The following DLG2 variants were observed in gnomAD, a reference collection of about 807,000 sequenced individuals.
The protein encoded by DLG2 is disks large homolog 2.
In DLG2, 45 loss-of-function variants were observed where a neutral mutation model predicts 132.5. That is an observed-to-expected ratio of 0.34 (90% CI 0.27 to 0.44). The LOEUF (loss-of-function observed/expected upper bound fraction) is 0.44, where lower values mean the gene tolerates loss of function less well. DLG2 is among the 20% of genes least tolerant of loss of function. The probability of loss-of-function intolerance (pLI) is 1.00; values close to 1 mark genes in which losing one functional copy is unlikely to be tolerated. For synonymous variants in DLG2, 424 were observed against 419.6 expected (o/e 1.01, Z -0.13); for missense variants, 1,045 against 1,196.9 (o/e 0.87, Z 1.87).
rs569079199 is a variant in DLG2, at chr11:84,422,913, A to G, written c.519+111657T>C. On this transcript the variant is annotated intron_variant, in intron 7 of 27. Coordinates refer to ENST00000376104, the MANE Select transcript of DLG2 (RefSeq NM_001142699.3). ...ACTTGCAACAAAATGCTTAAACATCATGACTCTAGACCTACCCAAAGTCAC... is the reference window on the plus strand; with the variant it reads ...ACTTGCAACAAAATGCTTAAACATCGTGACTCTAGACCTACCCAAAGTCAC... Among the ~76,000 whole-genome samples, 53 of 152,310 alleles carry G rather than the reference A, an allele frequency of 3.5e-4. 1 individual carries two copies. In the South Asian group the frequency reaches 0.011, roughly 30 times the overall value.
chr11:84,502,200 CTCCT>C lies in DLG2; in HGVS notation c.519+32366_519+32369del, dbSNP rs1218812487. ...TTTCTCTCTCTTTCTCTCTCTCTCT[CTCCT>C]TCCTTCCTTCCTTCCTTCCTTCCTT... On this transcript the variant is annotated intron_variant, in intron 7 of 27. Coordinates refer to ENST00000376104, the MANE Select transcript of DLG2 (RefSeq NM_001142699.3). Among the ~76,000 whole-genome samples the C allele has an allele frequency of 4.3e-3, 42 of 9,808 alleles. 1 individual carries two copies. The highest frequency in any genetic ancestry group is 0.013 in the Admixed American group (20 of 1,568). The allele number at this position is 9,808 out of a possible 152,430, so 6.4% of individuals were successfully genotyped here.
intron 7 of DLG2, among the ~76,000 whole-genome samples, chr11:84,484,402 C>T (rs80025585): frequency 0.016 from 2,462 of 152,122 alleles, 78 homozygotes; most frequent in African/African-American, 0.056. Flanking sequence ...AGAGATAAAT[C>T]CATCTTAGAA....
intron 19 of DLG2, among the ~76,000 whole-genome samples, chr11:83,594,758 C>T (rs1253875729): frequency 1.3e-5 from 2 of 152,122 alleles, no homozygotes; most frequent in Non-Finnish European, 2.9e-5. Flanking sequence ...TGTCCATTCC[C>T]AGGAGAGTTG....
chr11:85,249,973 C>A (rs1044937551), intron 4 of DLG2, among the ~76,000 whole-genome samples: 4 of 152,130 alleles, frequency 2.6e-5, no homozygotes, highest in African/African-American at 9.7e-5. Flanking sequence ...ATTGTCCTTA[C>A]TCTAAAAGAC....
chr11:85,206,387 G>C (rs1246769527), intron 4 of DLG2, among the ~76,000 whole-genome samples: 1 of 152,094 alleles, frequency 6.6e-6, no homozygotes, highest in Non-Finnish European at 1.5e-5. Context: ...GATAGACCTG[G>C]GTTGGAATTC....
intron 17 of DLG2, among the ~76,000 whole-genome samples, chr11:83,796,665 T>C (rs1039013465): frequency 1.3e-5 from 2 of 152,194 alleles, no homozygotes; most frequent in African/African-American, 4.8e-5. Flanking sequence ...AATATGGCAA[T>C]ATGGATGCTT....
At chr11:84,960,300 G>A (rs116266517) in intron 6 of DLG2, among the ~76,000 whole-genome samples, 315 of 152,074 alleles carry the variant, frequency 2.1e-3, no homozygotes, top group African/African-American at 7.3e-3. Context: ...TCTATCTGCC[G>A]TAAATGAAAT....
At chr11:85,173,768 G>T (rs2079034427) in intron 4 of DLG2, among the ~76,000 whole-genome samples, 1 of 152,150 alleles carries the variant, frequency 6.6e-6, no homozygotes, top group Non-Finnish European at 1.5e-5. Context: ...AAAATAAAGG[G>T]ATGGAGGAAA....
At chr11:83,656,086 C>T (rs911179204) in intron 18 of DLG2, among the ~76,000 whole-genome samples, 3 of 152,218 alleles carry the variant, frequency 2.0e-5, no homozygotes, top group African/African-American at 7.2e-5. Context: ...GGTCAGGGAA[C>T]ATCTTGCAGC....
At chr11:85,178,642 G>A (rs951936113) in intron 4 of DLG2, among the ~76,000 whole-genome samples, 1 of 151,676 alleles carries the variant, frequency 6.6e-6, no homozygotes, top group African/African-American at 2.4e-5. Flanking sequence ...AATTATGTTG[G>A]AAAACAGGAA....
chr11:84,851,057 A>T (rs1264673927), intron 6 of DLG2, among the ~76,000 whole-genome samples: 1 of 152,112 alleles, frequency 6.6e-6, no homozygotes, highest in African/African-American at 2.4e-5. Context: ...AATAGGAATA[A>T]GTGAATGAAT....
At chr11:84,640,342 A>G (rs2099655965) in intron 6 of DLG2, 1 of 346,288 alleles carries the variant, frequency 2.9e-6, no homozygotes, top group South Asian at 2.4e-5. Flanking sequence ...AATTTCTTGG[A>G]TGAAAAATAA....
chr11:84,088,682 AT>A (rs1435686064), intron 10 of DLG2, among the ~76,000 whole-genome samples: 1 of 152,170 alleles, frequency 6.6e-6, no homozygotes, highest in Non-Finnish European at 1.5e-5. Flanking sequence ...TATAAATACA[AT>A]TAGGGCTGAT....
chr11:84,415,184 T>C (rs980059681), intron 7 of DLG2, among the ~76,000 whole-genome samples: 5 of 152,174 alleles, frequency 3.3e-5, no homozygotes, highest in Non-Finnish European at 7.4e-5. Flanking sequence ...TCAGAACTTG[T>C]TCTGGAAATG....
intron 17 of DLG2, among the ~76,000 whole-genome samples, chr11:83,795,416 A>AAATCT (rs1555409459): frequency 2.6e-4 from 35 of 136,344 alleles, no homozygotes; most frequent in Non-Finnish European, 4.8e-4. Context: ...TAAGAAAAAA[A>AAATCT]ATATCTATAT....
chr11:83,792,555 C>T (rs921727639), intron 17 of DLG2, among the ~76,000 whole-genome samples: 1 of 151,944 alleles, frequency 6.6e-6, no homozygotes, highest in African/African-American at 2.4e-5. Flanking sequence ...GAATATAAGC[C>T]ACTTTATAAA....
intron 21 of DLG2, among the ~76,000 whole-genome samples, chr11:83,495,416 T>C (rs924954487): frequency 2.0e-5 from 3 of 152,166 alleles, no homozygotes; most frequent in Non-Finnish European, 4.4e-5. Flanking sequence ...CTCCACCTCA[T>C]GTTTATCCTG....
intron 3 of DLG2, among the ~76,000 whole-genome samples, chr11:85,515,973 C>A (rs2094161364): frequency 6.6e-6 from 1 of 152,038 alleles, no homozygotes. Flanking sequence ...CCAAATAGCA[C>A]TAAAAAATTC....
At chr11:83,976,463 A>G (rs1402254711) in intron 12 of DLG2, among the ~76,000 whole-genome samples, 1 of 151,892 alleles carries the variant, frequency 6.6e-6, no homozygotes, top group Admixed American at 6.6e-5. Context: ...AGAGTAGAAG[A>G]GGGGGAAGAT....
Sources: allele counts gnomAD v4.1 joint callset (sites outside exome capture counted in the v4.1 genomes callset), GRCh38; gene constraint gnomAD v4.1.1; transcripts MANE v1.5; gene names NCBI Gene and HGNC (gene_info 2026-07-23, HGNC 2026-07-21).